The following SNTG1 variants were observed in gnomAD, a reference collection of about 807,000 sequenced individuals.
SNTG1 encodes the protein gamma-1-syntrophin.
In SNTG1, 39 loss-of-function variants were observed where a neutral mutation model predicts 74.7. The observed-to-expected ratio is 0.52, with a 90% CI of 0.40 to 0.68. The LOEUF is 0.68. SNTG1 is among the 30% of genes least tolerant of loss of function. The pLI is 0.00. For synonymous variants in SNTG1, 254 were observed against 217.1 expected, an observed-to-expected ratio of 1.17 and a Z score of -1.49; for missense variants, 685 against 609.5, an observed-to-expected ratio of 1.12 and a Z score of -1.30.
At chr8:50,563,112 G>A (rs1028727807) in intron 12 of SNTG1, among the ~76,000 whole-genome samples, 1 of 152,126 alleles carries the variant, frequency 6.6e-6, no homozygotes, top group Non-Finnish European at 1.5e-5. Flanking sequence ...GAATTGTCAG[G>A]CAGTCACAAC....
intron 15 of SNTG1, among the ~76,000 whole-genome samples, chr8:50,662,983 A>G (rs562577761): frequency 9.2e-5 from 14 of 152,182 alleles, no homozygotes; most frequent in Non-Finnish European, 1.9e-4. Flanking sequence ...AACTCACAAA[A>G]ATTCCAGCTG....
intron 1 of SNTG1, among the ~76,000 whole-genome samples, chr8:49,957,832 G>T (rs1173780442): frequency 1.3e-5 from 2 of 152,174 alleles, no homozygotes; most frequent in Admixed American, 6.5e-5. Flanking sequence ...CAGGCATGGT[G>T]GTGTGTGCCT....
intron 1 of SNTG1, among the ~76,000 whole-genome samples, chr8:49,969,181 G>T (rs990364723): frequency 1.3e-4 from 20 of 151,894 alleles, no homozygotes; most frequent in African/African-American, 4.8e-4. Flanking sequence ...TTTTAATAAC[G>T]TGGTGAATAA....
intron 1 of SNTG1, among the ~76,000 whole-genome samples, chr8:50,094,309 A>T (rs2079849779): frequency 6.6e-6 from 1 of 152,202 alleles, no homozygotes; most frequent in Non-Finnish European, 1.5e-5. Flanking sequence ...TTATTTACAA[A>T]TAAGCAAATT....
At position 49,989,733 on chromosome 8, in the gene SNTG1, A is replaced by G. The variant is rs181361224; in HGVS notation, c.-103+77502A>G. Among the ~76,000 whole-genome samples, 519 of 152,060 alleles carry G rather than the reference A, an allele frequency of 3.4e-3. 2 individuals carry two copies. The highest frequency in any genetic ancestry group is 0.014 in the Middle Eastern group (4 of 294). On this transcript the variant is annotated intron_variant, in intron 1 of 18. Coordinates refer to ENST00000642720, the MANE Select transcript of SNTG1 (RefSeq NM_018967.5). The stretch of plus-strand genomic sequence containing the variant: ...AATGAATCTAAATCAGCAACCTATT[A>G]AAAGGAATATGCATCATGAACATGT...
At chr8:49,942,580 C>G (rs34618682) in intron 1 of SNTG1, among the ~76,000 whole-genome samples, 367 of 152,196 alleles carry the variant, frequency 2.4e-3, no homozygotes, top group Admixed American at 3.7e-3. Flanking sequence ...ACATTTTGTC[C>G]TCATGTCTCC....
chr8:50,320,641 G>A (rs1455062356), intron 2 of SNTG1, among the ~76,000 whole-genome samples: 1 of 151,468 alleles, frequency 6.6e-6, no homozygotes, highest in Non-Finnish European at 1.5e-5. Context: ...TTTTAATGTA[G>A]GCACTTGTAG....
chr8:50,429,873 G>A (rs1043749601), intron 4 of SNTG1, among the ~76,000 whole-genome samples: 4 of 152,042 alleles, frequency 2.6e-5, no homozygotes, highest in African/African-American at 9.7e-5. Context: ...AATGAACAAA[G>A]TGCCATCAGG....
chr8:50,633,834 A>G (rs185520636), intron 13 of SNTG1, among the ~76,000 whole-genome samples: 10 of 152,300 alleles, frequency 6.6e-5, no homozygotes, highest in Non-Finnish European at 1.5e-4. Context: ...ACAGTGTAGG[A>G]GAGGCTAATG....
chr8:50,672,597 G>T (rs1395807329), intron 15 of SNTG1, among the ~76,000 whole-genome samples: 1 of 152,132 alleles, frequency 6.6e-6, no homozygotes, highest in African/African-American at 2.4e-5. Context: ...ACCTTTGTCA[G>T]ATGGGTAGGT....
At chr8:50,664,367 A>G (rs181511752) in intron 15 of SNTG1, among the ~76,000 whole-genome samples, 5 of 152,316 alleles carry the variant, frequency 3.3e-5, no homozygotes, top group African/African-American at 1.2e-4. Flanking sequence ...GAAAGTGAAT[A>G]TATATCAAGA....
At chr8:50,147,156 G>A (rs1347531010) in intron 1 of SNTG1, among the ~76,000 whole-genome samples, 2 of 152,080 alleles carry the variant, frequency 1.3e-5, no homozygotes, top group Non-Finnish European at 2.9e-5. Context: ...ATACTTGGGT[G>A]GTAGATACAT....
At chr8:50,401,408 T>C (rs1375458592) in intron 3 of SNTG1, among the ~76,000 whole-genome samples, 1 of 152,188 alleles carries the variant, frequency 6.6e-6, no homozygotes, top group South Asian at 2.1e-4. Context: ...ACTAAGATAA[T>C]AGCACAAGTT....
chr8:50,714,604 A>G (rs978239892), intron 17 of SNTG1, among the ~76,000 whole-genome samples: 4 of 152,074 alleles, frequency 2.6e-5, no homozygotes, highest in African/African-American at 9.7e-5. Context: ...AGAAAAAAAT[A>G]CATGCATGGA....
intron 2 of SNTG1, among the ~76,000 whole-genome samples, chr8:50,377,119 T>C (rs754536024): frequency 3.9e-5 from 6 of 152,018 alleles, no homozygotes; most frequent in Non-Finnish European, 7.4e-5. Flanking sequence ...TCGGGAGGTG[T>C]GTATTTGAGG....
intron 18 of SNTG1, among the ~76,000 whole-genome samples, chr8:50,763,475 T>C (rs2095604747): frequency 6.6e-6 from 1 of 151,858 alleles, no homozygotes; most frequent in Non-Finnish European, 1.5e-5. Context: ...CACAAATATA[T>C]GGAAAGAACT....
At chr8:50,479,518 C>T (rs1485789994) in intron 8 of SNTG1, among the ~76,000 whole-genome samples, 1 of 152,158 alleles carries the variant, frequency 6.6e-6, no homozygotes, top group African/African-American at 2.4e-5. Context: ...TTCCCATTGA[C>T]ACTTTCCTCC....
intron 2 of SNTG1, among the ~76,000 whole-genome samples, chr8:50,205,713 A>C (rs1437753088): frequency 1.3e-5 from 2 of 152,156 alleles, no homozygotes; most frequent in Admixed American, 1.3e-4. Flanking sequence ...CTAACATGTA[A>C]GTCTTTAATC....
intron 1 of SNTG1, among the ~76,000 whole-genome samples, chr8:50,045,019 C>G (rs957754875): frequency 6.6e-6 from 1 of 152,150 alleles, no homozygotes; most frequent in Non-Finnish European, 1.5e-5. Flanking sequence ...ACTGAGAGAG[C>G]AAGTCTACAT....
Sources: allele counts gnomAD v4.1 joint callset (sites outside exome capture counted in the v4.1 genomes callset), GRCh38; gene constraint gnomAD v4.1.1; transcripts MANE v1.5; gene names NCBI Gene and HGNC (gene_info 2026-07-23, HGNC 2026-07-21).